Variants in KCNH5 observed in about 807,000 individuals in gnomAD.
KCNH5 encodes potassium voltage-gated channel subfamily H member 5.
In KCNH5, 46 loss-of-function variants were observed where a neutral mutation model predicts 96.1. The ratio of observed to expected loss-of-function variants is 0.48; its 90% CI spans 0.38 to 0.61. KCNH5 has a LOEUF of 0.61. Ranked by LOEUF, KCNH5 falls within the 20% of genes least tolerant of loss-of-function variation. The pLI is 0.00. For missense variants in KCNH5, 907 were observed against 1,225.8 expected (o/e 0.74, Z 3.88); for synonymous variants, 439 against 449.8 (o/e 0.98, Z 0.30).
intron 7 of KCNH5, among the ~76,000 whole-genome samples, chr14:62,892,763 C>A (rs1888736470): frequency 6.6e-6 from 1 of 152,242 alleles, no homozygotes; most frequent in Admixed American, 6.5e-5. Flanking sequence ...CTACCTGTGC[C>A]CTATAAATGG....
At chr14:63,033,254 TA>T (rs1458805879) in intron 1 of KCNH5, among the ~76,000 whole-genome samples, 1 of 152,216 alleles carries the variant, frequency 6.6e-6, no homozygotes, top group African/African-American at 2.4e-5. Context: ...GCCAGGCCCC[TA>T]ACTGTCACTC....
chr14:62,825,636 T>A (rs1283620165), intron 8 of KCNH5, among the ~76,000 whole-genome samples: 1 of 152,102 alleles, frequency 6.6e-6, no homozygotes, highest in Non-Finnish European at 1.5e-5. Context: ...CATCCATAGG[T>A]GATTAACATA....
chr14:62,775,818 G>A (rs1886083292), intron 10 of KCNH5, among the ~76,000 whole-genome samples: 1 of 152,182 alleles, frequency 6.6e-6, no homozygotes, highest in South Asian at 2.1e-4. Flanking sequence ...TGTAAGTAAA[G>A]TAATTGAAAT....
intron 9 of KCNH5, among the ~76,000 whole-genome samples, chr14:62,800,207 C>A (rs184977118): frequency 6.1e-4 from 92 of 152,050 alleles, no homozygotes; most frequent in Non-Finnish European, 1.0e-3. Flanking sequence ...ACTCATTAAG[C>A]ACAAGATGTG....
At chr14:62,906,139 TGAGA>T (rs770713712) in intron 7 of KCNH5, among the ~76,000 whole-genome samples, 2 of 152,232 alleles carry the variant, frequency 1.3e-5, no homozygotes, top group African/African-American at 4.8e-5. Flanking sequence ...ATTCATTTAT[TGAGA>T]GTGTATTAGG....
chr14:62,882,070 C>G (rs2140076822), intron 7 of KCNH5, among the ~76,000 whole-genome samples: 1 of 144,592 alleles, frequency 6.9e-6, no homozygotes, highest in South Asian at 2.2e-4. Context: ...TTGAGACCAG[C>G]CTGGGCTAAC....
At chr14:63,024,208 C>CAAAAAAAAAAAAAAAAAAAAAAAA (rs574336970) in intron 1 of KCNH5, among the ~76,000 whole-genome samples, 22 of 140,272 alleles carry the variant, frequency 1.6e-4, no homozygotes, top group East Asian at 8.5e-4. Flanking sequence ...GACTCCATCT[C>CAAAAAAAAAAAAAAAAAAAAAAAA]AAAAAATATA....
At chr14:63,042,075 T>C (rs1281158281) in intron 1 of KCNH5, among the ~76,000 whole-genome samples, 1 of 152,124 alleles carries the variant, frequency 6.6e-6, no homozygotes, top group Non-Finnish European at 1.5e-5. Flanking sequence ...CAAATAAATG[T>C]CTGACATTTT....
At chr14:62,978,512 G>A (rs1342253387) in intron 6 of KCNH5, among the ~76,000 whole-genome samples, 1 of 151,676 alleles carries the variant, frequency 6.6e-6, no homozygotes, top group Non-Finnish European at 1.5e-5. Context: ...GCGTGAACCC[G>A]GGAGGCGGAG....
At chr14:62,804,311 C>T (rs113000645) in intron 8 of KCNH5, among the ~76,000 whole-genome samples, 10 of 152,218 alleles carry the variant, frequency 6.6e-5, no homozygotes, top group East Asian at 1.9e-4. Context: ...AAGTAATTGA[C>T]GCTGTTTTCA....
chr14:62,824,447 T>A (rs1036486160), intron 8 of KCNH5, among the ~76,000 whole-genome samples: 2 of 152,086 alleles, frequency 1.3e-5, no homozygotes, highest in Admixed American at 1.3e-4. Context: ...TTAGCTGGGA[T>A]TCCTGAAATA....
chr14:62,849,496 G>A (rs1031234189), intron 8 of KCNH5, among the ~76,000 whole-genome samples, 157 bp downstream of exon 8: 2 of 152,146 alleles, frequency 1.3e-5, no homozygotes, highest in Non-Finnish European at 2.9e-5. Context: ...CACCTTCTAA[G>A]CACTTAATAA....
chr14:63,027,657 A>C (rs972450854), intron 1 of KCNH5, among the ~76,000 whole-genome samples: 2 of 152,086 alleles, frequency 1.3e-5, no homozygotes, highest in East Asian at 3.9e-4. Context: ...TACTATAAAC[A>C]TATTCAATTT....
At chr14:62,734,288 T>G (rs1354886556) in intron 10 of KCNH5, among the ~76,000 whole-genome samples, 2 of 152,138 alleles carry the variant, frequency 1.3e-5, no homozygotes, top group Non-Finnish European at 2.9e-5. Flanking sequence ...ACCCCTTCAA[T>G]GGCTCTAGTT....
At chr14:62,990,769 T>C (rs771448495) in intron 4 of KCNH5, among the ~76,000 whole-genome samples, 1 of 151,966 alleles carries the variant, frequency 6.6e-6, no homozygotes, top group Non-Finnish European at 1.5e-5. Context: ...GGGTAACATA[T>C]GAAGGAAAGA....
chr14:62,808,737 A>G (rs993608194), intron 8 of KCNH5, among the ~76,000 whole-genome samples: 4 of 152,226 alleles, frequency 2.6e-5, no homozygotes, highest in East Asian at 1.9e-4. Flanking sequence ...GTTATTAATA[A>G]TTATAATTGT....
At chr14:62,962,826 G>A (rs1355744856) in intron 6 of KCNH5, among the ~76,000 whole-genome samples, 1 of 152,134 alleles carries the variant, frequency 6.6e-6, no homozygotes, top group Non-Finnish European at 1.5e-5. Flanking sequence ...GTTTAAAAGA[G>A]ACAATAATTT....
chr14:62,835,632 T>C (rs553761771), intron 8 of KCNH5, among the ~76,000 whole-genome samples: 32 of 152,230 alleles, frequency 2.1e-4, no homozygotes, highest in Non-Finnish European at 3.7e-4. Flanking sequence ...ACTTCAAATA[T>C]TGACGGCATA....
intron 10 of KCNH5, among the ~76,000 whole-genome samples, chr14:62,716,858 C>T (rs146288645): frequency 1.3e-3 from 204 of 152,114 alleles, no homozygotes; most frequent in Admixed American, 3.8e-3. Context: ...AATTAAAACT[C>T]CTCTATTTAG....
Sources: gnomAD v4.1 joint callset for allele counts (sites outside exome capture counted in the v4.1 genomes callset) on GRCh38, gnomAD v4.1.1 for gene constraint, MANE v1.5 for transcripts, NCBI Gene and HGNC (gene_info 2026-07-23, HGNC 2026-07-21) for gene names.